The following RBFOX1 variants were observed in gnomAD, a reference collection of about 807,000 sequenced individuals.
RBFOX1 encodes the protein RNA binding fox-1 homolog 1.
In RBFOX1, 8 loss-of-function variants were observed where a neutral mutation model predicts 57.7. That is an observed-to-expected ratio of 0.14 (90% CI 0.08 to 0.25). RBFOX1 has a LOEUF of 0.25. RBFOX1 is among the 10% of genes least tolerant of loss of function. The pLI is 1.00. For missense variants in RBFOX1, 611 were observed against 548.5 expected (o/e 1.11, Z -1.14); for synonymous variants, 326 against 222.4 (o/e 1.47, Z -4.15).
At chr16:5,896,199 A>G (rs1262027338) in intron 4 of RBFOX1, among the ~76,000 whole-genome samples, 1 of 152,148 alleles carries the variant, frequency 6.6e-6, no homozygotes, top group Non-Finnish European at 1.5e-5. Flanking sequence ...GGTCTCATCT[A>G]GAGGCAGAGA....
chr16:5,647,764 C>G (rs905285777), intron 3 of RBFOX1, among the ~76,000 whole-genome samples: 2 of 152,220 alleles, frequency 1.3e-5, no homozygotes, highest in African/African-American at 4.8e-5. Flanking sequence ...AGGCTTGGTA[C>G]AAGTTTCCCG....
At chr16:7,063,004 A>T (rs1487949513) in intron 4 of RBFOX1, among the ~76,000 whole-genome samples, 1 of 146,128 alleles carries the variant, frequency 6.8e-6, no homozygotes, top group Non-Finnish European at 1.5e-5. Flanking sequence ...AATGTGCTAA[A>T]CTTGGAGAAC....
intron 1 of RBFOX1, among the ~76,000 whole-genome samples, chr16:6,271,780 C>G (rs927577858): frequency 6.6e-6 from 1 of 152,126 alleles, no homozygotes; most frequent in African/African-American, 2.4e-5. Context: ...TGTCCTATAA[C>G]TGTTAAAGAA....
chr16:7,269,048 A>G (rs2095251856), intron 4 of RBFOX1, among the ~76,000 whole-genome samples: 2 of 144,536 alleles, frequency 1.4e-5, no homozygotes, highest in African/African-American at 5.3e-5. Context: ...CATCTCAAAA[A>G]AAAAAAAAAA....
intron 4 of RBFOX1, among the ~76,000 whole-genome samples, chr16:7,500,678 A>G (rs1227091212): frequency 6.6e-6 from 1 of 152,198 alleles, no homozygotes; most frequent in African/African-American, 2.4e-5. Context: ...CACTAAATAG[A>G]TGTGAATGAT....
intron 3 of RBFOX1, among the ~76,000 whole-genome samples, chr16:5,842,287 A>G (rs899404183): frequency 2.0e-5 from 3 of 152,070 alleles, no homozygotes; most frequent in South Asian, 2.1e-4. Flanking sequence ...TAGTTAAGCA[A>G]TAATTTAACA....
intron 3 of RBFOX1, among the ~76,000 whole-genome samples, chr16:6,879,040 G>A (rs752045775): frequency 4.6e-5 from 7 of 152,140 alleles, no homozygotes; most frequent in East Asian, 1.9e-4. Flanking sequence ...TTGACCACAC[G>A]TGTAGTAGTG....
At chr16:6,031,558 C>T (rs2095289771) in intron 1 of RBFOX1, among the ~76,000 whole-genome samples, 1 of 152,100 alleles carries the variant, frequency 6.6e-6, no homozygotes. Context: ...CTTGTATGTG[C>T]ACATGAGTGG....
intron 4 of RBFOX1, among the ~76,000 whole-genome samples, chr16:7,068,467 T>A (rs995606443): frequency 6.6e-6 from 1 of 152,202 alleles, no homozygotes; most frequent in Admixed American, 6.5e-5. Context: ...CTTTTGAACT[T>A]CTTCTTTTGC....
At chr16:6,932,342 G>T (rs963723779) in intron 3 of RBFOX1, among the ~76,000 whole-genome samples, 2 of 152,014 alleles carry the variant, frequency 1.3e-5, no homozygotes, top group South Asian at 2.1e-4. Context: ...CCTGACCTCA[G>T]GTGATCCACC....
chr16:7,374,050 C>T (rs2097635564), intron 4 of RBFOX1, among the ~76,000 whole-genome samples: 1 of 152,116 alleles, frequency 6.6e-6, no homozygotes, highest in South Asian at 2.1e-4. Context: ...TTCTGAGACA[C>T]ACATGGAGAG....
rs552713412 is a variant in RBFOX1, at chr16:6,609,278, G to A, written c.-63-45325G>A. Among the ~76,000 whole-genome samples the A allele has an allele frequency of 5.3e-5, 8 of 152,308 alleles. No homozygotes were observed. In the South Asian group the frequency reaches 1.0e-3, roughly 20 times the overall value. On this transcript the variant is annotated intron_variant, in intron 2 of 15. Transcript: ENST00000550418. The stretch of plus-strand genomic sequence containing the variant: ...TAGTAAAGTTCTTAGCACAGTGGCT[G>A]GGTATGGAGTGTAGTATGTTCTGTA...
intron 1 of RBFOX1, among the ~76,000 whole-genome samples, chr16:6,172,248 G>T (rs1229566527): frequency 1.3e-5 from 2 of 152,148 alleles, no homozygotes; most frequent in Non-Finnish European, 2.9e-5. Flanking sequence ...ACTTGCAATC[G>T]TGTAGGGAGA....
At chr16:5,690,712 G>C (rs1235971500) in intron 3 of RBFOX1, among the ~76,000 whole-genome samples, 1 of 152,142 alleles carries the variant, frequency 6.6e-6, no homozygotes, top group Non-Finnish European at 1.5e-5. Context: ...AATGGGTACA[G>C]AAAGGAAACT....
intron 1 of RBFOX1, among the ~76,000 whole-genome samples, chr16:6,147,790 A>G (rs1246392444): frequency 6.6e-6 from 1 of 152,196 alleles, no homozygotes; most frequent in East Asian, 1.9e-4. Flanking sequence ...AGTTGCTGAA[A>G]TTAAAACCTA....
rs112689131 is a variant in RBFOX1 at position 5,731,623 on chromosome 16, C to A, written c.318+132662C>A. 5.7e-3 allele frequency among the ~76,000 whole-genome samples: 871 copies of A among 152,194 alleles called. 5 individuals are homozygous for A. The highest frequency in any genetic ancestry group is 0.02 in the African/African-American group (824 of 41,506). On this transcript the variant is annotated intron_variant, in intron 3 of 19. Transcript: ENST00000641259. ...TGTGGGCATGAACTATGTAATCTCT[C>A]TTAGAGGCAAGGTGATATTTTTTCA...
chr16:6,726,793 A>T (rs1009589117), intron 3 of RBFOX1, among the ~76,000 whole-genome samples: 1 of 151,854 alleles, frequency 6.6e-6, no homozygotes, highest in Non-Finnish European at 1.5e-5. Flanking sequence ...TATGTTCCCT[A>T]CCAGGGTACC....
At chr16:6,071,364 G>A (rs1443560381) in intron 1 of RBFOX1, among the ~76,000 whole-genome samples, 2 of 152,086 alleles carry the variant, frequency 1.3e-5, no homozygotes, top group African/African-American at 4.8e-5. Flanking sequence ...ATGTAACCTT[G>A]ACATGTAAAG....
intron 4 of RBFOX1, among the ~76,000 whole-genome samples, chr16:5,983,384 G>C (rs1278926967): frequency 2.6e-5 from 4 of 152,222 alleles, no homozygotes; most frequent in African/African-American, 9.6e-5. Flanking sequence ...GACAAATCTA[G>C]TTTTGTCACT....
Sources: allele counts gnomAD v4.1 joint callset (sites outside exome capture counted in the v4.1 genomes callset), GRCh38; gene constraint gnomAD v4.1.1; transcripts MANE v1.5; gene names NCBI Gene and HGNC (gene_info 2026-07-23, HGNC 2026-07-21).